FGGY: variants seen among roughly 807,000 people sequenced by gnomAD.
FGGY encodes FGGY carbohydrate kinase domain containing, also known as FGGY carbohydrate kinase domain-containing protein.
FGGY carries 72 observed loss-of-function variants against 71.3 expected under a neutral mutation model. The ratio of observed to expected loss-of-function variants is 1.01; its 90% CI spans 0.84 to 1.23. The LOEUF is 1.23. Among genes scored for constraint, FGGY ranks in the 50% most tolerant of loss-of-function variants. The pLI is 0.00. For missense variants in FGGY, 668 were observed against 682.3 expected (o/e 0.98, Z 0.23); for synonymous variants, 251 against 250.3 (o/e 1.00, Z -0.02).
At chr1:59,369,194 C>T (rs530804153) in intron 4 of FGGY, among the ~76,000 whole-genome samples, 7 of 152,250 alleles carry the variant, frequency 4.6e-5, no homozygotes, top group South Asian at 2.1e-4. Flanking sequence ...CCTGGAAAAT[C>T]GGGTCACTCC....
intron 6 of FGGY, among the ~76,000 whole-genome samples, chr1:59,510,040 CT>C (rs10608143): frequency 0.031 from 4,307 of 139,750 alleles, 64 homozygotes; most frequent in Middle Eastern, 0.052. Flanking sequence ...TTTCTTTTTT[CT>C]TTTTTTTTTT....
intron 8 of FGGY, among the ~76,000 whole-genome samples, chr1:59,606,514 G>A (rs114695365): frequency 0.015 from 2,329 of 152,234 alleles, 23 homozygotes; most frequent in Middle Eastern, 0.051. Flanking sequence ...GTCATTGGCT[G>A]TTATGTATTA....
chr1:59,635,490 A>G (rs2153882292), intron 10 of FGGY, among the ~76,000 whole-genome samples: 1 of 152,044 alleles, frequency 6.6e-6, no homozygotes, highest in African/African-American at 2.4e-5. Context: ...CTGAAACCAA[A>G]TGCCCTGCTC....
chr1:59,505,594 A>T (rs745975733), intron 6 of FGGY, among the ~76,000 whole-genome samples: 1 of 152,160 alleles, frequency 6.6e-6, no homozygotes, highest in African/African-American at 2.4e-5. Flanking sequence ...TGACATTTCC[A>T]TGGGCCTGGA....
At position 59,691,235 on chromosome 1, in the gene FGGY, A is replaced by G. The variant is rs138097352; in HGVS notation, c.1512+17102A>G. On this transcript the variant is annotated intron_variant, in intron 14 of 15. Transcript: ENST00000303721. The stretch of plus-strand genomic sequence containing the variant: ...ATAACTGAAAATATTATAATGTTTA[A>G]TAATGATACTTAATAATTCAATAAT... Among the ~76,000 whole-genome samples the G allele has an allele frequency of 1.5e-3, 225 of 152,362 alleles. 6 individuals are homozygous for G. In the East Asian group the frequency reaches 0.038, roughly 26 times the overall value.
At chr1:59,644,636 A>T (rs2097072561) in intron 11 of FGGY, among the ~76,000 whole-genome samples, 1 of 151,636 alleles carries the variant, frequency 6.6e-6, no homozygotes, top group Non-Finnish European at 1.5e-5. Context: ...CACCCAAAGA[A>T]AAATGCTTAC....
chr1:59,353,241 A>G (rs779790784), intron 4 of FGGY, among the ~76,000 whole-genome samples: 21 of 152,182 alleles, frequency 1.4e-4, no homozygotes, highest in Admixed American at 1.3e-4. Flanking sequence ...AGTGGCTTAT[A>G]TAGTAGATAC....
At chr1:59,725,796 A>G (rs939253035) in intron 14 of FGGY, among the ~76,000 whole-genome samples, 1 of 151,962 alleles carries the variant, frequency 6.6e-6, no homozygotes. Context: ...TGGTGTTCTC[A>G]TTGGGTGGGT....
intron 15 of FGGY, among the ~76,000 whole-genome samples, chr1:59,759,237 C>G (rs1355510016): frequency 1.3e-5 from 2 of 152,190 alleles, no homozygotes; most frequent in Non-Finnish European, 2.9e-5. Context: ...CATGGAAAAG[C>G]AATCCACTTT....
intron 14 of FGGY, among the ~76,000 whole-genome samples, chr1:59,736,106 C>T (rs1385942101): frequency 6.6e-6 from 1 of 152,156 alleles, no homozygotes; most frequent in Non-Finnish European, 1.5e-5. Context: ...TGCACAAGCT[C>T]TCTCTCTTTT....
chr1:59,368,386 C>T (rs549329311), intron 4 of FGGY, among the ~76,000 whole-genome samples: 1 of 152,272 alleles, frequency 6.6e-6, no homozygotes, highest in African/African-American at 2.4e-5. Flanking sequence ...CTGGGAGGTT[C>T]AGGGTGGTAA....
intron 3 of FGGY, among the ~76,000 whole-genome samples, chr1:59,341,788 C>T (rs981566291): frequency 2.0e-5 from 3 of 152,126 alleles, no homozygotes; most frequent in Admixed American, 6.5e-5. Flanking sequence ...CAGACCTGGC[C>T]GTTTTGGGAG....
intron 4 of FGGY, among the ~76,000 whole-genome samples, chr1:59,372,695 A>C (rs1041703503): frequency 6.6e-5 from 10 of 152,200 alleles, no homozygotes; most frequent in African/African-American, 2.4e-4. Context: ...GCACCACATC[A>C]AAAAGCTTAT....
chr1:59,530,236 A>G (rs1041177717), intron 7 of FGGY, among the ~76,000 whole-genome samples: 2 of 152,220 alleles, frequency 1.3e-5, no homozygotes, highest in African/African-American at 4.8e-5. Context: ...AGGAAAGTAC[A>G]AGGATTATTC....
intron 14 of FGGY, among the ~76,000 whole-genome samples, chr1:59,707,819 G>T (rs75096671): frequency 1.8e-3 from 267 of 152,220 alleles, no homozygotes; most frequent in Non-Finnish European, 3.1e-3. Flanking sequence ...CCAAAGAATC[G>T]GCATCCTTGG....
chr1:59,343,445 T>G (rs900294099), intron 3 of FGGY, among the ~76,000 whole-genome samples: 1 of 152,204 alleles, frequency 6.6e-6, no homozygotes, highest in African/African-American at 2.4e-5. Context: ...ATAAACACTT[T>G]CCTGCCTTTT....
At chr1:59,473,109 A>C (rs997779446) in intron 6 of FGGY, among the ~76,000 whole-genome samples, 2 of 152,094 alleles carry the variant, frequency 1.3e-5, no homozygotes, top group African/African-American at 4.8e-5. Context: ...CACACTGTGG[A>C]AGCTTTGTTC....
At chr1:59,611,289 C>T (rs1026715005) in intron 9 of FGGY, among the ~76,000 whole-genome samples, 1 of 152,178 alleles carries the variant, frequency 6.6e-6, no homozygotes, top group Non-Finnish European at 1.5e-5. Context: ...ACACCTCATA[C>T]AACCAGGTAC....
rs115802243 is a variant in FGGY, at chr1:59,682,822, G to A, written c.1512+8689G>A. ...TTCAGAGCGGTCTGCAGACTAGAGG[G>A]CAGTCTCTAAATGGTTTGTTCAGAT... is the stretch of plus-strand genomic sequence containing the variant. On this transcript the variant is annotated intron_variant, in intron 14 of 15. Coordinates refer to ENST00000303721, the MANE Select transcript of FGGY (RefSeq NM_018291.5). Among the ~76,000 whole-genome samples, 1,177 of 152,318 alleles carry A rather than the reference G, an allele frequency of 7.7e-3. 18 individuals carry two copies. The highest frequency in any genetic ancestry group is 0.027 in the African/African-American group (1,132 of 41,560).
Sources: gnomAD v4.1 joint callset for allele counts (sites outside exome capture counted in the v4.1 genomes callset) on GRCh38, gnomAD v4.1.1 for gene constraint, MANE v1.5 for transcripts, NCBI Gene and HGNC (gene_info 2026-07-23, HGNC 2026-07-21) for gene names.